LRRC4C: variants seen among roughly 807,000 people sequenced by gnomAD.
The protein encoded by LRRC4C is leucine rich repeat containing 4C, also known as leucine-rich repeat-containing protein 4C.
A neutral mutation model predicts 33.6 loss-of-function variants in LRRC4C; 5 were observed. That is an observed-to-expected ratio of 0.15 (90% confidence interval 0.08 to 0.31). The LOEUF (loss-of-function observed/expected upper bound fraction) is 0.31, where lower values mean the gene tolerates loss of function less well. Ranked by LOEUF, LRRC4C falls within the 10% of genes least tolerant of loss-of-function variation. The probability of loss-of-function intolerance (pLI) is 1.00; values close to 1 mark genes in which losing one functional copy is unlikely to be tolerated. For missense variants in LRRC4C, 560 were observed against 796.7 expected (o/e 0.70, Z 3.58); for synonymous variants, 329 against 302.0 (o/e 1.09, Z -0.93).
intron 1 of LRRC4C, among the ~76,000 whole-genome samples, chr11:40,937,276 G>A (rs191367109): frequency 2.0e-3 from 258 of 127,582 alleles, no homozygotes; most frequent in Non-Finnish European, 3.0e-3. Flanking sequence ...AGCACATAGA[G>A]ACAAAAATGT....
rs115756846 is a variant in LRRC4C at position 40,992,983 on chromosome 11, T to A, written c.-495-59260A>T. 3.2e-3 allele frequency among the ~76,000 whole-genome samples: 481 copies of A among 152,260 alleles called. 7 individuals carry two copies. In the South Asian group the frequency reaches 0.036, roughly 11 times the overall value. ...TCTTCTTGGCTGCTGGAAATTACAA[T>A]TTTCTGTCCTAACTGCTCACAAACG... On this transcript the variant is annotated intron_variant, in intron 1 of 6. Transcript: ENST00000528697.
chr11:40,347,850 C>T (rs1479066089), intron 3 of LRRC4C, among the ~76,000 whole-genome samples: 4 of 152,116 alleles, frequency 2.6e-5, no homozygotes, highest in East Asian at 1.9e-4. Flanking sequence ...TCAGGTGATC[C>T]GCCTGCCTTG....
intron 1 of LRRC4C, among the ~76,000 whole-genome samples, chr11:41,118,912 T>C (rs938206303): frequency 1.3e-5 from 2 of 152,112 alleles, no homozygotes; most frequent in African/African-American, 4.8e-5. Context: ...TTCTTATCTT[T>C]TTTTTTCAAA....
intron 2 of LRRC4C, among the ~76,000 whole-genome samples, chr11:40,931,935 A>G (rs1957646832): frequency 6.6e-6 from 1 of 152,154 alleles, no homozygotes; most frequent in Non-Finnish European, 1.5e-5. Context: ...AAATCTATTA[A>G]TTGAAGTCAT....
chr11:40,137,163 CGTGTGTGTGTGT>C (rs3039962), intron 6 of LRRC4C, among the ~76,000 whole-genome samples: 16 of 147,774 alleles, frequency 1.1e-4, no homozygotes, highest in African/African-American at 3.0e-4. Context: ...CACGTGGGCA[CGTGTGTGTGTGT>C]GTGTGTGTGT....
In LRRC4C at chr11:40,759,559, A is replaced by G. The variant is rs558361015; in HGVS notation, c.-406-111281T>C. 4.0e-5 allele frequency among the ~76,000 whole-genome samples: 6 copies of G among 151,886 alleles called. No individual in the cohort carries two copies. In the South Asian group the frequency reaches 1.3e-3, roughly 32 times the overall value. The stretch of plus-strand genomic sequence containing the variant: ...AAAAGTAATTGCGGTTTTTGTCATT[A>G]CTTTCAATGGCAAAAACCTCAGTTA... On this transcript the variant is annotated intron_variant, in intron 2 of 6. Coordinates refer to ENST00000528697, the MANE Select transcript of LRRC4C (RefSeq NM_001258419.2).
intron 1 of LRRC4C, among the ~76,000 whole-genome samples, chr11:41,156,169 A>G (rs1336198384): frequency 6.6e-6 from 1 of 152,110 alleles, no homozygotes; most frequent in Non-Finnish European, 1.5e-5. Flanking sequence ...GGAGCACACA[A>G]GTGTCTGCCC....
intron 1 of LRRC4C, among the ~76,000 whole-genome samples, chr11:41,173,075 C>T (rs1945045043): frequency 6.6e-6 from 1 of 152,098 alleles, no homozygotes; most frequent in Non-Finnish European, 1.5e-5. Context: ...ACAGGTGGTT[C>T]CTACAACTTC....
chr11:40,732,524 C>G (rs1435038841), intron 2 of LRRC4C, among the ~76,000 whole-genome samples: 1 of 152,064 alleles, frequency 6.6e-6, no homozygotes, highest in East Asian at 1.9e-4. Flanking sequence ...CACGCTGAGC[C>G]AAGACTCTAT....
chr11:40,495,358 C>T (rs1457000892), intron 3 of LRRC4C, among the ~76,000 whole-genome samples: 1 of 152,034 alleles, frequency 6.6e-6, no homozygotes, highest in Non-Finnish European at 1.5e-5. Context: ...TTCCCTGCAG[C>T]GCCACATATT....
intron 2 of LRRC4C, among the ~76,000 whole-genome samples, chr11:40,796,485 T>C (rs563135865): frequency 3.2e-4 from 48 of 152,226 alleles, no homozygotes; most frequent in African/African-American, 1.2e-3. Context: ...GAGTATTTGC[T>C]TGATGGCATT....
intron 2 of LRRC4C, among the ~76,000 whole-genome samples, chr11:40,891,675 G>T (rs557255845): frequency 1.9e-4 from 29 of 152,202 alleles, no homozygotes; most frequent in African/African-American, 6.5e-4. Context: ...TTGATCATCC[G>T]AGAAATGCAA....
At chr11:41,013,774 G>T (rs561432314) in intron 1 of LRRC4C, among the ~76,000 whole-genome samples, 17 of 152,254 alleles carry the variant, frequency 1.1e-4, no homozygotes, top group African/African-American at 3.9e-4. Context: ...ATAAAGAAAA[G>T]AAATTTAGTT....
intron 1 of LRRC4C, among the ~76,000 whole-genome samples, chr11:40,937,811 G>T (rs1285927188): frequency 2.6e-5 from 4 of 151,842 alleles, no homozygotes; most frequent in East Asian, 1.9e-4. Flanking sequence ...CCAGCTTTTT[G>T]TTGTTGTTGT....
rs143172098 is a variant in LRRC4C, at chr11:40,224,708, C to A, written c.-96+16811G>T. Reference sequence around the variant, plus strand: ...GAGATAACGTATGTCAAATGCTTAGCCTGCATGGAGAACATCTAAGAATAA... The same window carrying A: ...GAGATAACGTATGTCAAATGCTTAGACTGCATGGAGAACATCTAAGAATAA... On this transcript the variant is annotated intron_variant, in intron 5 of 6. Coordinates refer to ENST00000528697, the MANE Select transcript of LRRC4C (RefSeq NM_001258419.2). 4.3e-3 allele frequency among the ~76,000 whole-genome samples: 649 copies of A among 152,226 alleles called. 1 individual carries two copies. Among genetic ancestry groups the A allele is most frequent in the Non-Finnish European group, 7.3e-3 (496 of 67,998 alleles).
intron 2 of LRRC4C, among the ~76,000 whole-genome samples, chr11:40,785,332 T>A (rs1337651518): frequency 6.6e-6 from 1 of 152,160 alleles, no homozygotes; most frequent in Non-Finnish European, 1.5e-5. Context: ...TCCAAACTCA[T>A]AACTTGCAAA....
chr11:41,078,372 A>T (rs572523582), intron 1 of LRRC4C, among the ~76,000 whole-genome samples: 1 of 152,176 alleles, frequency 6.6e-6, no homozygotes, highest in Non-Finnish European at 1.5e-5. Context: ...AATTTTCTGT[A>T]TCAGTTCATT....
intron 1 of LRRC4C, among the ~76,000 whole-genome samples, chr11:41,402,710 T>C (rs576360477): frequency 2.0e-5 from 3 of 151,838 alleles, no homozygotes; most frequent in African/African-American, 7.2e-5. Flanking sequence ...AAGGAAAAAA[T>C]GAAGAAGAAC....
chr11:41,162,175 T>C (rs1450496387), intron 1 of LRRC4C, among the ~76,000 whole-genome samples: 1 of 152,114 alleles, frequency 6.6e-6, no homozygotes, highest in Non-Finnish European at 1.5e-5. Flanking sequence ...CTCTTCCACA[T>C]CCAGCATCGC....
Sources: allele counts gnomAD v4.1 joint callset (sites outside exome capture counted in the v4.1 genomes callset), GRCh38; gene constraint gnomAD v4.1.1; transcripts MANE v1.5; gene names NCBI Gene and HGNC (gene_info 2026-07-23, HGNC 2026-07-21).